Variants in EHMT1 observed in about 807,000 individuals in gnomAD.
EHMT1 encodes histone-lysine N-methyltransferase EHMT1.
Under a neutral mutation model 147.2 loss-of-function variants are expected in EHMT1, and 15 were observed. The ratio of observed to expected loss-of-function variants is 0.10; its 90% CI spans 0.07 to 0.16. The LOEUF (loss-of-function observed/expected upper bound fraction) is 0.16, where lower values mean the gene tolerates loss of function less well. Ranked by LOEUF, EHMT1 falls within the 10% of genes least tolerant of loss-of-function variation. The pLI is 1.00. For synonymous variants in EHMT1, 795 were observed against 709.6 expected (o/e 1.12, Z -1.91); for missense variants, 1,587 against 1,772.4 (o/e 0.90, Z 1.88).
At chr9:137,814,350 C>G in intron 21 of EHMT1, 81 bp from the exon 22 acceptor site, 1 of 1,457,090 alleles carries the variant, frequency 6.9e-7, no homozygotes, top group South Asian at 1.1e-5. Flanking sequence ...GTTAACAGAA[C>G]TGGAAGACGT....
chr9:137,760,968 C>T (rs1588570431), intron 9 of EHMT1, among the ~76,000 whole-genome samples: 2 of 152,320 alleles, frequency 1.3e-5, no homozygotes, highest in Admixed American at 6.5e-5. Context: ...GATCGCACCA[C>T]TGCACTCCAG....
intron 18 of EHMT1, among the ~76,000 whole-genome samples, chr9:137,809,814 A>G (rs1177075737): frequency 1.3e-5 from 2 of 152,256 alleles, no homozygotes; most frequent in Admixed American, 1.3e-4. Flanking sequence ...AAGGTCCGGA[A>G]GCTGAGTGAC....
intron 25 of EHMT1, among the ~76,000 whole-genome samples, chr9:137,830,482 G>C (rs1162415785): frequency 6.6e-6 from 1 of 152,208 alleles, no homozygotes. Context: ...ATTTAACAGT[G>C]TAGAGTTTTT....
chr9:137,743,941 G>T lies in EHMT1; in HGVS notation c.1021G>T (p.Gly341Trp). ...GGGCGCCAGCAGCCTGCACGTGAAT[G>T]GGGAGAGCCTGGAGATGGACTCGGA... ...DLGASSLHVN[G>W]ESLEMDSDED... Residue 341 changes from glycine (G) to tryptophan (W), a missense_variant, in exon 6 of 27, where the codon GGG becomes TGG. Transcript: ENST00000460843. 1.2e-6 allele frequency: 2 copies of T among 1,613,668 alleles called. No homozygotes were observed. The highest frequency in any genetic ancestry group is 8.5e-7 in the Non-Finnish European group (1 of 1,179,904).
rs953867046 is a variant in EHMT1 at position 137,835,804 on chromosome 9, G to A, written c.*851G>A. On this transcript the variant is annotated 3_prime_UTR_variant, in exon 27 of 27. Transcript: ENST00000460843. ...AAATAAACTATCAACTGTATAAAGA[G>A]AACAAAGTGATTTTAGAATAAAATG... is the stretch of plus-strand genomic sequence containing the variant. The A allele has an allele frequency of 1.2e-4, 19 of 152,554 alleles. No homozygotes were observed. Among genetic ancestry groups the A allele is most frequent in the African/African-American group, 4.6e-4 (19 of 41,452 alleles). The allele number at this position is 152,554 out of a possible 1,614,324, so 9.5% of individuals were successfully genotyped here.
chr9:137,780,413 T>C (rs867901096), intron 14 of EHMT1, among the ~76,000 whole-genome samples: 3 of 92,934 alleles, frequency 3.2e-5, no homozygotes, highest in African/African-American at 1.3e-4. Context: ...GACGCTGGGA[T>C]GTGTGGTGAT....
In EHMT1 at chr9:137,652,437, A is replaced by T. The variant is rs898475104; in HGVS notation, c.21+33388A>T. ...AGTCTCACTCTGTCTCCCAGGCTGGAGTGCAGTGGTGCGATCTTGGCTCAC... is the reference window on the plus strand; with the variant it reads ...AGTCTCACTCTGTCTCCCAGGCTGGTGTGCAGTGGTGCGATCTTGGCTCAC... On this transcript the variant is annotated intron_variant, in intron 1 of 26. Coordinates refer to ENST00000460843, the MANE Select transcript of EHMT1 (RefSeq NM_024757.5). Among the ~76,000 whole-genome samples, 4 of 151,824 alleles carry T rather than the reference A, an allele frequency of 2.6e-5. No homozygotes were observed. In the South Asian group the frequency reaches 8.3e-4, roughly 32 times the overall value.
rs1948969195 is a variant in EHMT1 at position 137,751,551 on chromosome 9, AGGGAGTGCC to A, written c.1171-776_1171-768del. ...AGCAAAGGCAGCCCCATGCCGCCTT[AGGGAGTGCC>A]GGGCACAGGGTGGACGGAGACTCAC... is the stretch of plus-strand genomic sequence containing the variant. On this transcript the variant is annotated intron_variant, in intron 6 of 26. Transcript: ENST00000460843. Among the ~76,000 whole-genome samples, 3 of 152,336 alleles carry A rather than the reference AGGGAGTGCC, an allele frequency of 2.0e-5. No homozygotes were observed. In the South Asian group the frequency reaches 6.2e-4, roughly 32 times the overall value.
intron 1 of EHMT1, among the ~76,000 whole-genome samples, chr9:137,692,682 A>G (rs1245084450): frequency 6.6e-6 from 1 of 152,186 alleles, no homozygotes; most frequent in Non-Finnish European, 1.5e-5. Flanking sequence ...GGGAGGAGCT[A>G]GATGATCTGC....
intron 3 of EHMT1, among the ~76,000 whole-genome samples, chr9:137,718,611 TTC>T (rs1342537897): frequency 1.3e-5 from 2 of 152,162 alleles, no homozygotes; most frequent in Non-Finnish European, 2.9e-5. Context: ...TCCTGGGCAG[TTC>T]TCTGTCTGTT....
chr9:137,680,245 G>A (rs983928899), intron 1 of EHMT1, among the ~76,000 whole-genome samples: 1 of 151,926 alleles, frequency 6.6e-6, no homozygotes, highest in African/African-American at 2.4e-5. Flanking sequence ...AGGCCGAGGC[G>A]AGTGGATCAC....
At chr9:137,699,049 GTGC>G (rs1449008058) in intron 1 of EHMT1, among the ~76,000 whole-genome samples, 1 of 152,074 alleles carries the variant, frequency 6.6e-6, no homozygotes, top group African/African-American at 2.4e-5. Context: ...GTGGGGGATG[GTGC>G]CTCATCTCTT....
chr9:137,781,116 TGTGTGGTGATGACGGCATCACTGAGAC>T (rs1186457657), intron 14 of EHMT1, among the ~76,000 whole-genome samples: 1 of 4,758 alleles, frequency 2.1e-4, no homozygotes, highest in African/African-American at 1.5e-3. Flanking sequence ...GACGCTGAGA[TGTGTGGTGATGACGGCATCACTGAGAC>T]GTGTGGTGAT....
At chr9:137,667,887 C>A (rs565317288) in intron 1 of EHMT1, among the ~76,000 whole-genome samples, 1 of 152,000 alleles carries the variant, frequency 6.6e-6, no homozygotes, top group African/African-American at 2.4e-5. Context: ...TATTTGGTTT[C>A]GTGGAATCCA....
chr9:137,692,788 C>G (rs1588199955), intron 1 of EHMT1, among the ~76,000 whole-genome samples: 1 of 152,094 alleles, frequency 6.6e-6, no homozygotes, highest in South Asian at 2.1e-4. Flanking sequence ...CCATCATGCT[C>G]CAGTGCGCAG....
chr9:137,735,377 A>C (rs1171118646), intron 4 of EHMT1, among the ~76,000 whole-genome samples: 3 of 152,236 alleles, frequency 2.0e-5, no homozygotes, highest in Non-Finnish European at 4.4e-5. Context: ...GGTAACCACA[A>C]AGAAAATAGC....
At chr9:137,800,701 C>T (rs979143563) in intron 17 of EHMT1, 179 bp from the exon 18 acceptor site, 1 of 627,586 alleles carries the variant, frequency 1.6e-6, no homozygotes, top group African/African-American at 1.8e-5. Flanking sequence ...GTGGAGCTAC[C>T]TGGGCTGTGC....
intron 1 of EHMT1, among the ~76,000 whole-genome samples, chr9:137,635,752 G>A (rs1056705795): frequency 1.6e-4 from 24 of 150,930 alleles, no homozygotes; most frequent in Admixed American, 4.0e-4. Context: ...CCTGGGAGGC[G>A]GAGCTTGCAG....
intron 3 of EHMT1, among the ~76,000 whole-genome samples, chr9:137,720,944 A>T (rs1221205746): frequency 6.6e-6 from 1 of 152,090 alleles, no homozygotes; most frequent in Non-Finnish European, 1.5e-5. Flanking sequence ...ACCACACTCC[A>T]GAGTGGCTGC....
Sources: gnomAD v4.1 joint callset for allele counts (sites outside exome capture counted in the v4.1 genomes callset) on GRCh38, gnomAD v4.1.1 for gene constraint, MANE v1.5 for transcripts, NCBI Gene and HGNC (gene_info 2026-07-23, HGNC 2026-07-21) for gene names.